Variants in GAB1 observed in about 807,000 individuals in gnomAD.
The protein encoded by GAB1 is GRB2-associated-binding protein 1.
In GAB1, 19 loss-of-function variants were observed where a neutral mutation model predicts 66.5. The observed-to-expected ratio is 0.29, with a 90% confidence interval of 0.20 to 0.42. The LOEUF (loss-of-function observed/expected upper bound fraction) is 0.42, where lower values mean the gene tolerates loss of function less well. Among genes scored for constraint, GAB1 ranks in the 10% least tolerant of loss-of-function variants. The pLI is 1.00. For synonymous variants in GAB1, 294 were observed against 301.4 expected, an observed-to-expected ratio of 0.98 and a Z score of 0.25; for missense variants, 732 against 858.5, an observed-to-expected ratio of 0.85 and a Z score of 1.84.
chr4:143,406,790 A>G (rs1432955194), intron 1 of GAB1, among the ~76,000 whole-genome samples: 1 of 152,152 alleles, frequency 6.6e-6, no homozygotes, highest in African/African-American at 2.4e-5. Flanking sequence ...CCAGTTTCTC[A>G]CTTTTTCCGT....
Position 143,349,591 on chromosome 4 carries a change from C to A in GAB1, c.72+12331C>A, listed in dbSNP as rs989032151. The A allele has an allele frequency of 9.7e-5, 145 of 1,493,704 alleles. No individual in the cohort carries two copies. The African/African-American group carries it at 2.0e-3, about 20-fold the overall frequency. The allele number at this position is 1,493,704 out of a possible 1,614,324, so 92.5% of individuals were successfully genotyped here. A position where few individuals can be genotyped will look rare whatever the true frequency, so the allele number is the denominator to read the frequency against. Reference sequence around the variant, plus strand: ...AGGGATGAGGTGCACCAGCACAGAGCCGCAGCGGCCTGTCACCTTGCAAGG... The same window carrying A: ...AGGGATGAGGTGCACCAGCACAGAGACGCAGCGGCCTGTCACCTTGCAAGG... On this transcript the variant is annotated intron_variant, in intron 1 of 9. Coordinates refer to ENST00000262994, the MANE Select transcript of GAB1 (RefSeq NM_002039.4).
At chr4:143,418,961 G>T (rs1732859801) in intron 2 of GAB1, among the ~76,000 whole-genome samples, 1 of 152,120 alleles carries the variant, frequency 6.6e-6, no homozygotes, top group South Asian at 2.1e-4. Flanking sequence ...GGGAAGGAAA[G>T]CTTGGTATGC....
rs1471822721 is a variant in GAB1, at chr4:143,466,244, G to T, written c.1926+19G>T. The T allele has an allele frequency of 1.2e-6, 2 of 1,611,564 alleles. No homozygotes were observed. Among genetic ancestry groups the T allele is most frequent in the East Asian group, 4.5e-5 (2 of 44,792 alleles). On this transcript the variant is annotated intron_variant, in intron 9 of 9. Coordinates refer to ENST00000262994, the MANE Select transcript of GAB1 (RefSeq NM_002039.4). ...ACGTAAGGTGAGTGACATGTGACATGTCTCTTCTTTGTATACAGTTAGTTC... is the reference window on the plus strand; with the variant it reads ...ACGTAAGGTGAGTGACATGTGACATTTCTCTTCTTTGTATACAGTTAGTTC...
Position 143,337,231 on chromosome 4 carries a change from TC to T in GAB1, c.50del (p.Pro17ArgfsTer5), listed in dbSNP as rs755581817. 5.0e-6 allele frequency: 8 copies of T among 1,584,178 alleles called. No individual in the cohort carries two copies. Among genetic ancestry groups the T allele is most frequent in the Admixed American group, 1.8e-5 (1 of 55,056 alleles). On this transcript the variant is annotated frameshift_variant, in exon 1 of 10. Coordinates refer to ENST00000262994, the MANE Select transcript of GAB1 (RefSeq NM_002039.4). LOFTEE classifies it high-confidence loss of function. ...EVVCSGWLRKSPPEKKLKRYA... is the reference protein window; with the variant it reads ...EVVCSGWLRKXPPEKKLKRYA... The stretch of plus-strand genomic sequence containing the variant: ...GGTCTGCTCCGGATGGCTCCGCAAG[TC>T]CCCCCCGGAGAAAAAGTTGAAGCGT...
intron 1 of GAB1, among the ~76,000 whole-genome samples, chr4:143,411,469 T>G (rs141475472): frequency 6.6e-6 from 1 of 152,338 alleles, no homozygotes; most frequent in East Asian, 1.9e-4. Flanking sequence ...AAATGATTTT[T>G]TGTGTGAATT....
chr4:143,415,088 A>G (rs944895052), intron 1 of GAB1, among the ~76,000 whole-genome samples: 2 of 152,080 alleles, frequency 1.3e-5, no homozygotes, highest in Non-Finnish European at 2.9e-5. Context: ...TTGTCTTTTT[A>G]TGACTGGCTT....
At chr4:143,430,701 A>G (rs1425138266) in intron 2 of GAB1, among the ~76,000 whole-genome samples, 1 of 152,204 alleles carries the variant, frequency 6.6e-6, no homozygotes, top group African/African-American at 2.4e-5. Flanking sequence ...AACCCCTTAA[A>G]ACTTTTGCCA....
chr4:143,405,993 C>G (rs746643108), intron 1 of GAB1, among the ~76,000 whole-genome samples: 1 of 152,068 alleles, frequency 6.6e-6, no homozygotes, highest in Non-Finnish European at 1.5e-5. Context: ...CTAAGCATCA[C>G]TTTGATGGCT....
At chr4:143,385,198 G>A (rs1358626027) in intron 1 of GAB1, among the ~76,000 whole-genome samples, 1 of 152,052 alleles carries the variant, frequency 6.6e-6, no homozygotes, top group Non-Finnish European at 1.5e-5. Flanking sequence ...ATAAGTGAGA[G>A]CTTATATTTT....
rs529729195 is a variant in GAB1, at chr4:143,452,927, C to G, written c.1586-6458C>G. Among the ~76,000 whole-genome samples, 26 of 152,220 alleles carry G rather than the reference C, an allele frequency of 1.7e-4. No homozygotes were observed. In the East Asian group the frequency reaches 5.0e-3, roughly 29 times the overall value. On this transcript the variant is annotated intron_variant, in intron 6 of 9. Transcript: ENST00000262994. ...TTATTTTTGCCTTTGCTTTAGTATT[C>G]TTATGTCTTATTATCTATTTTCACA...
intron 1 of GAB1, among the ~76,000 whole-genome samples, chr4:143,338,985 C>T (rs182855843): frequency 1.3e-5 from 2 of 152,300 alleles, no homozygotes; most frequent in African/African-American, 4.8e-5. Flanking sequence ...AGCCCTGCCT[C>T]TTGGGCTTAG....
At chr4:143,450,514 T>G (rs537656576) in intron 6 of GAB1, among the ~76,000 whole-genome samples, 12 of 152,300 alleles carry the variant, frequency 7.9e-5, no homozygotes, top group African/African-American at 2.9e-4. Context: ...AAATGTGACC[T>G]CACATGACTG....
rs528373035 is a variant in GAB1 at position 143,472,641 on chromosome 4, C to T, written c.*3452C>T. On this transcript the variant is annotated 3_prime_UTR_variant, in exon 10 of 10. Coordinates refer to ENST00000262994, the MANE Select transcript of GAB1 (RefSeq NM_002039.4). Reference sequence around the variant, plus strand: ...TTGAAAGTGTTGGTATTACTACTTTCACTACAGAGCCTTTGGCCCTCTAAT... The same window carrying T: ...TTGAAAGTGTTGGTATTACTACTTTTACTACAGAGCCTTTGGCCCTCTAAT... The T allele has an allele frequency of 2.6e-4, 40 of 152,286 alleles. No individual in the cohort carries two copies. Among genetic ancestry groups the T allele is most frequent in the African/African-American group, 9.4e-4 (39 of 41,558 alleles). The allele number at this position is 152,286 out of a possible 1,614,324, so 9.4% of individuals were successfully genotyped here. A position where few individuals can be genotyped will look rare whatever the true frequency, so the allele number is the denominator to read the frequency against.
intron 6 of GAB1, among the ~76,000 whole-genome samples, chr4:143,455,590 A>G (rs891953288): frequency 2.0e-5 from 3 of 152,220 alleles, no homozygotes; most frequent in Non-Finnish European, 4.4e-5. Flanking sequence ...GCAGCAAACC[A>G]AAAGAAGTTC....
intron 2 of GAB1, among the ~76,000 whole-genome samples, chr4:143,419,407 T>C (rs1995931): frequency 0.25 from 37,747 of 151,956 alleles, 4,915 homozygotes; most frequent in Non-Finnish European, 0.3. Flanking sequence ...AGTGATCTTT[T>C]CAGTGCAGAA....
intron 1 of GAB1, among the ~76,000 whole-genome samples, chr4:143,340,362 G>A (rs1237908284): frequency 6.6e-6 from 1 of 152,122 alleles, no homozygotes; most frequent in Non-Finnish European, 1.5e-5. Context: ...ACTTCAGGGA[G>A]TTTGAGCATC....
At chr4:143,338,546 A>G (rs1204458631) in intron 1 of GAB1, among the ~76,000 whole-genome samples, 1 of 152,148 alleles carries the variant, frequency 6.6e-6, no homozygotes, top group Non-Finnish European at 1.5e-5. Flanking sequence ...TTATTGAAAG[A>G]CTCGATGCCA....
chr4:143,423,498 C>G (rs1733132007), intron 2 of GAB1, among the ~76,000 whole-genome samples: 1 of 151,868 alleles, frequency 6.6e-6, no homozygotes, highest in South Asian at 2.1e-4. Context: ...GAGATCGAGA[C>G]CATCCTGGCT....
intron 1 of GAB1, among the ~76,000 whole-genome samples, chr4:143,347,016 G>A (rs1220209371): frequency 6.6e-6 from 1 of 152,198 alleles, no homozygotes; most frequent in Admixed American, 6.5e-5. Flanking sequence ...GGAAAAGCAA[G>A]CGTAATATAT....
Sources: gnomAD v4.1 joint callset for allele counts (sites outside exome capture counted in the v4.1 genomes callset) on GRCh38, gnomAD v4.1.1 for gene constraint, MANE v1.5 for transcripts, NCBI Gene and HGNC (gene_info 2026-07-23, HGNC 2026-07-21) for gene names.